The following ERG28 variants were observed in gnomAD, a reference collection of about 807,000 sequenced individuals.
The protein encoded by ERG28 is ergosterol biosynthesis 28 homolog, also known as ergosterol biosynthetic protein 28 homolog.
Under a neutral mutation model 15.7 loss-of-function variants are expected in ERG28, and 9 were observed. The observed-to-expected ratio is 0.57, with a 90% CI of 0.35 to 1.00. The LOEUF is 1.00. ERG28 is among the 50% of genes least tolerant of loss of function. The pLI is 0.02. For synonymous variants in ERG28, 61 were observed against 68.4 expected (o/e 0.89, Z 0.53); for missense variants, 117 against 173.3 (o/e 0.68, Z 1.82).
chr14:75,657,342 A>C (rs1419162534), intron 2 of ERG28, 28 bp downstream of exon 2: 2 of 1,613,460 alleles, frequency 1.2e-6, no homozygotes, highest in Non-Finnish European at 1.7e-6. Flanking sequence ...AGTCCTATAA[A>C]GGATGCAGAA....
intron 3 of ERG28, among the ~76,000 whole-genome samples, chr14:75,653,383 C>A (rs1890554882): frequency 1.3e-5 from 2 of 151,662 alleles, no homozygotes; most frequent in South Asian, 4.2e-4. Flanking sequence ...GTGGGTGGAT[C>A]ACGAGGTCAG....
In ERG28 at chr14:75,650,699, G is replaced by A. The variant is rs1435757924; in HGVS notation, c.*856C>T. The stretch of plus-strand genomic sequence containing the variant: ...GCAGACTCTTGAAGGTGAGAAAAAA[G>A]AAGATTTGACTTCAAGAATACAAGA... On this transcript the variant is annotated 3_prime_UTR_variant, in exon 5 of 5. Coordinates refer to ENST00000256319, the MANE Select transcript of ERG28 (RefSeq NM_007176.4). 6.9e-6 allele frequency: 1 copy of A among 144,802 alleles called. No homozygotes were observed. The highest frequency in any genetic ancestry group is 1.9e-4 in the East Asian group (1 of 5,154). 9.0% of individuals were successfully genotyped at this position (144,802 alleles called of 1,614,324 possible). A position where few individuals can be genotyped will look rare whatever the true frequency, so the allele number is the denominator to read the frequency against.
In ERG28 at chr14:75,654,904, A is replaced by G. The variant is rs754817064; in HGVS notation, c.206T>C (p.Ile69Thr). The change falls in exon 3 of 5, where the codon ATT (isoleucine) becomes ACT (threonine). Residue 69 changes from isoleucine to threonine, a missense_variant. Ile to Thr is a moderately conservative substitution (Grantham distance 89). Transcript: ENST00000256319. ...TACATACGTCTTGTTGTGAATGTCA[A>G]TGGCACAGAGGCAGCGAATCACTGA... ...LSSVIRCLCAIDIHNKTLYHI... is the reference protein window; with the variant it reads ...LSSVIRCLCATDIHNKTLYHI... 1.9e-6 allele frequency: 3 copies of G among 1,613,778 alleles called. No individual in the cohort carries two copies. Among genetic ancestry groups the G allele is most frequent in the Admixed American group, 1.7e-5 (1 of 60,008 alleles).
intron 1 of ERG28, among the ~76,000 whole-genome samples, chr14:75,658,718 G>A (rs990334076): frequency 2.0e-5 from 3 of 152,106 alleles, no homozygotes; most frequent in African/African-American, 7.2e-5. Context: ...ACAACCTTCA[G>A]GAATATTCAC....
At chr14:75,659,997 G>A (rs1388174860) in intron 1 of ERG28, among the ~76,000 whole-genome samples, 1 of 152,070 alleles carries the variant, frequency 6.6e-6, no homozygotes, top group Non-Finnish European at 1.5e-5. Context: ...AGAGACTGAG[G>A]GTCTACTGGA....
intron 1 of ERG28, among the ~76,000 whole-genome samples, chr14:75,659,824 A>G (rs1007850421): frequency 3.3e-5 from 5 of 151,890 alleles, no homozygotes; most frequent in African/African-American, 4.8e-5. Flanking sequence ...AGTGGGACAG[A>G]TATTAAAGTC....
At chr14:75,659,876 C>G in intron 1 of ERG28, among the ~76,000 whole-genome samples, 1 of 137,896 alleles carries the variant, frequency 7.3e-6, no homozygotes, top group African/African-American at 2.7e-5. Flanking sequence ...CGCCCCCCCC[C>G]GCCAACTCCC....
chr14:75,652,335 G>A (rs1188870078), intron 3 of ERG28, among the ~76,000 whole-genome samples: 3 of 152,192 alleles, frequency 2.0e-5, no homozygotes, highest in Non-Finnish European at 2.9e-5. Context: ...AGAACGAACG[G>A]CCTCATGGGG....
At chr14:75,652,415 A>C (rs1390106581) in intron 3 of ERG28, among the ~76,000 whole-genome samples, 1 of 152,226 alleles carries the variant, frequency 6.6e-6, no homozygotes, top group East Asian at 1.9e-4. Context: ...TTTGTGCCTT[A>C]GCCTAGAAAA....
intron 1 of ERG28, among the ~76,000 whole-genome samples, chr14:75,659,187 G>A (rs371680904): frequency 9.9e-5 from 15 of 152,154 alleles, no homozygotes; most frequent in African/African-American, 2.9e-4. Flanking sequence ...TGGCAGAGCT[G>A]AGATAAGAAT....
In ERG28 at chr14:75,650,599, T is replaced by C. The variant is rs2140062012; in HGVS notation, c.*956A>G. Reference sequence around the variant, plus strand: ...TCTATGCTGCCTAGTTCTATTTTTTTGTCTCTGCTCTCTCAAGAATCTGTT... The same window carrying C: ...TCTATGCTGCCTAGTTCTATTTTTTCGTCTCTGCTCTCTCAAGAATCTGTT... On this transcript the variant is annotated 3_prime_UTR_variant, in exon 5 of 5. Transcript: ENST00000256319. The C allele has an allele frequency of 6.6e-6, 1 of 152,386 alleles. No homozygotes were observed. Among genetic ancestry groups the C allele is most frequent in the Non-Finnish European group, 1.5e-5 (1 of 68,040 alleles). The allele number at this position is 152,386 out of a possible 1,614,324, so 9.4% of individuals were successfully genotyped here.
chr14:75,653,716 G>A (rs1890560754), intron 3 of ERG28, among the ~76,000 whole-genome samples: 1 of 152,062 alleles, frequency 6.6e-6, no homozygotes. Context: ...TTGTGGTACA[G>A]GTCTTTAAAA....
intron 3 of ERG28, among the ~76,000 whole-genome samples, chr14:75,654,018 T>C (rs1220045709): frequency 6.6e-6 from 1 of 152,094 alleles, no homozygotes; most frequent in East Asian, 1.9e-4. Flanking sequence ...CTTGAGTCAG[T>C]CTTTCTTTAA....
At chr14:75,656,246 G>A (rs762519710) in intron 2 of ERG28, among the ~76,000 whole-genome samples, 7 of 150,982 alleles carry the variant, frequency 4.6e-5, no homozygotes, top group Admixed American at 1.3e-4. Flanking sequence ...TAGATCACAA[G>A]GGAGATGGCA....
intron 2 of ERG28, among the ~76,000 whole-genome samples, chr14:75,655,194 TGGAAG>T (rs1311756236): frequency 2.0e-5 from 3 of 152,166 alleles, no homozygotes; most frequent in Admixed American, 2.0e-4. Context: ...TGTCTACAGT[TGGAAG>T]GGAAGTTCCA....
At chr14:75,658,749 G>A (rs1310464980) in intron 1 of ERG28, among the ~76,000 whole-genome samples, 3 of 151,934 alleles carry the variant, frequency 2.0e-5, no homozygotes, top group African/African-American at 4.8e-5. Flanking sequence ...GTAACCTGTC[G>A]AATGTGTATG....
Position 75,650,604 on chromosome 14 carries a change from C to G in ERG28, c.*951G>C, listed in dbSNP as rs1890510035. 1 of 152,202 alleles carries G rather than the reference C, an allele frequency of 6.6e-6. No individual in the cohort carries two copies. The highest frequency in any genetic ancestry group is 1.5e-5 in the Non-Finnish European group (1 of 68,038). The allele number at this position is 152,202 out of a possible 1,614,324, so 9.4% of individuals were successfully genotyped here. ...GCTGCCTAGTTCTATTTTTTTGTCTCTGCTCTCTCAAGAATCTGTTTCTTC... is the reference window on the plus strand; with the variant it reads ...GCTGCCTAGTTCTATTTTTTTGTCTGTGCTCTCTCAAGAATCTGTTTCTTC... On this transcript the variant is annotated 3_prime_UTR_variant, in exon 5 of 5. Transcript: ENST00000256319.
At chr14:75,658,933 G>A (rs147603281) in intron 1 of ERG28, among the ~76,000 whole-genome samples, 4 of 152,126 alleles carry the variant, frequency 2.6e-5, no homozygotes, top group Admixed American at 6.5e-5. Flanking sequence ...TTAAGTTAAC[G>A]TGTGAGTTTA....
At chr14:75,654,744 T>A in intron 3 of ERG28, 142 bp downstream of exon 3, 1 of 926,580 alleles carries the variant, frequency 1.1e-6, no homozygotes, top group Non-Finnish European at 1.7e-6. Flanking sequence ...TTGGAGGGAA[T>A]GTAACCTGTG....
Sources: allele counts gnomAD v4.1 joint callset (sites outside exome capture counted in the v4.1 genomes callset), GRCh38; gene constraint gnomAD v4.1.1; transcripts MANE v1.5; gene names NCBI Gene and HGNC (gene_info 2026-07-23, HGNC 2026-07-21).